The following ATP6V1A variants were observed in gnomAD, a reference collection of about 807,000 sequenced individuals.
The protein encoded by ATP6V1A is V-type proton ATPase catalytic subunit A.
A neutral mutation model predicts 70.1 loss-of-function variants in ATP6V1A; 18 were observed. The ratio of observed to expected loss-of-function variants is 0.26; its 90% CI spans 0.18 to 0.38. The LOEUF (loss-of-function observed/expected upper bound fraction) is 0.38, where lower values mean the gene tolerates loss of function less well. ATP6V1A is among the 10% of genes least tolerant of loss of function. The pLI, the probability that ATP6V1A is intolerant of heterozygous loss-of-function variation, is 1.00. For missense variants in ATP6V1A, 424 were observed against 772.4 expected (o/e 0.55, Z 5.35); for synonymous variants, 232 against 253.8 (o/e 0.91, Z 0.82).
intron 1 of ATP6V1A, among the ~76,000 whole-genome samples, chr3:113,762,450 C>G (rs1050715861): frequency 4.6e-5 from 7 of 152,094 alleles, no homozygotes; most frequent in African/African-American, 1.7e-4. Flanking sequence ...TACCTGTAAT[C>G]CCAGCTACTC....
intron 6 of ATP6V1A, 75 bp from the exon 7 acceptor site, chr3:113,788,638 C>A: frequency 6.9e-7 from 1 of 1,455,222 alleles, no homozygotes; most frequent in Non-Finnish European, 9.3e-7. Context: ...CGTGAGCCAC[C>A]GCGCCCGGCC....
chr3:113,796,115 G>C (rs1709151100), intron 11 of ATP6V1A, among the ~76,000 whole-genome samples, 176 bp downstream of exon 11: 1 of 152,056 alleles, frequency 6.6e-6, no homozygotes, highest in Non-Finnish European at 1.5e-5. Flanking sequence ...AATACTGTCT[G>C]TTTTTTTCTT....
At chr3:113,752,786 C>A (rs1259738551) in intron 1 of ATP6V1A, among the ~76,000 whole-genome samples, 1 of 152,080 alleles carries the variant, frequency 6.6e-6, no homozygotes, top group East Asian at 1.9e-4. Context: ...TTAACTGATA[C>A]AACTTGCTCA....
At chr3:113,747,227 C>T (rs915014158) in intron 1 of ATP6V1A, 114 bp downstream of exon 1, 5 of 152,278 alleles carry the variant, frequency 3.3e-5, no homozygotes, top group Admixed American at 6.5e-5. Flanking sequence ...GCTTCCTCCC[C>T]GCTGTCACCC....
intron 1 of ATP6V1A, among the ~76,000 whole-genome samples, chr3:113,765,535 G>T (rs964495782): frequency 6.6e-6 from 1 of 151,896 alleles, no homozygotes; most frequent in Non-Finnish European, 1.5e-5. Context: ...AATCCGGGAG[G>T]TGGAGGTTGC....
intron 8 of ATP6V1A, among the ~76,000 whole-genome samples, chr3:113,791,660 C>G (rs1395549633): frequency 6.6e-6 from 1 of 152,130 alleles, no homozygotes; most frequent in African/African-American, 2.4e-5. Flanking sequence ...TTTTACTCTT[C>G]TTGCCTGATA....
intron 12 of ATP6V1A, among the ~76,000 whole-genome samples, chr3:113,799,532 T>A (rs1709186539): frequency 6.6e-6 from 1 of 152,176 alleles, no homozygotes; most frequent in Non-Finnish European, 1.5e-5. Context: ...GCATGCCTAA[T>A]CTCATCACTG....
Position 113,809,098 on chromosome 3 carries a change from A to G in ATP6V1A, c.1762-237A>G, listed in dbSNP as rs1357709167. ...AACCTGTCTCTACTAAAAATATGAAAAAAAAAATTAGCTGGGCGTGATGGT... is the reference window on the plus strand; with the variant it reads ...AACCTGTCTCTACTAAAAATATGAAGAAAAAAATTAGCTGGGCGTGATGGT... On this transcript the variant is annotated intron_variant, in intron 14 of 14. Transcript: ENST00000273398. Among the ~76,000 whole-genome samples the G allele has an allele frequency of 4.6e-5, 7 of 151,434 alleles. 1 individual carries two copies. The highest frequency in any genetic ancestry group is 8.8e-5 in the Non-Finnish European group (6 of 67,828).
At chr3:113,782,855 CT>C (rs1311509989) in intron 3 of ATP6V1A, among the ~76,000 whole-genome samples, 1 of 151,920 alleles carries the variant, frequency 6.6e-6, no homozygotes, top group East Asian at 1.9e-4. Flanking sequence ...AACTCCTGAC[CT>C]CACGATCCAC....
At chr3:113,794,804 A>T in intron 8 of ATP6V1A, 68 bp from the exon 9 acceptor site, 1 of 1,522,280 alleles carries the variant, frequency 6.6e-7, no homozygotes. Flanking sequence ...GGTTTTCTTA[A>T]GGGTGGAAAA....
chr3:113,796,023 CGTT>C (rs1216310068), intron 11 of ATP6V1A, 84 bp downstream of exon 11: 9 of 1,189,616 alleles, frequency 7.6e-6, no homozygotes, highest in South Asian at 4.3e-5. Flanking sequence ...CTAATGTAAT[CGTT>C]GTGAAGTATT....
intron 12 of ATP6V1A, among the ~76,000 whole-genome samples, chr3:113,799,056 A>C (rs1348334537): frequency 6.6e-6 from 1 of 152,196 alleles, no homozygotes; most frequent in Non-Finnish European, 1.5e-5. Context: ...TTATAGAATA[A>C]AAATATTCTC....
intron 12 of ATP6V1A, chr3:113,802,884 C>A: frequency 6.6e-6 from 1 of 152,620 alleles, no homozygotes; most frequent in Middle Eastern, 3.4e-3. Flanking sequence ...GCTGGTCTCT[C>A]ACTCCTGAGC....
chr3:113,797,023 C>T (rs1709159264), intron 11 of ATP6V1A, among the ~76,000 whole-genome samples: 1 of 152,182 alleles, frequency 6.6e-6, no homozygotes, highest in South Asian at 2.1e-4. Context: ...GCAACCTCCA[C>T]CTCCCGGGTT....
chr3:113,782,963 T>C (rs964430358), intron 3 of ATP6V1A, among the ~76,000 whole-genome samples: 21 of 152,142 alleles, frequency 1.4e-4, no homozygotes, highest in African/African-American at 3.6e-4. Context: ...TAAATAGATA[T>C]GTGATAAATA....
intron 1 of ATP6V1A, among the ~76,000 whole-genome samples, chr3:113,768,608 T>G (rs936485840): frequency 8.0e-5 from 12 of 149,594 alleles, no homozygotes; most frequent in Admixed American, 3.3e-4. Flanking sequence ...TTTTTTTTTT[T>G]TTTTTGAGAT....
chr3:113,754,881 G>A (rs920666881), intron 1 of ATP6V1A, among the ~76,000 whole-genome samples: 5 of 152,154 alleles, frequency 3.3e-5, no homozygotes, highest in Admixed American at 1.3e-4. Context: ...AAGTATCTCC[G>A]TAGAATACAT....
Position 113,782,784 on chromosome 3 carries a change from G to A in ATP6V1A, c.212-1440G>A, listed in dbSNP as rs542579696. Among the ~76,000 whole-genome samples the A allele has an allele frequency of 3.9e-4, 59 of 151,356 alleles. 1 individual carries two copies. The highest frequency in any genetic ancestry group is 3.3e-3 in the Admixed American group (50 of 15,162). ...ATTACAGGCACGTGCCAGCATGCCC[G>A]GCTAATTTTTTGTATTTTTAGTAGA... On this transcript the variant is annotated intron_variant, in intron 3 of 14. Transcript: ENST00000273398.
At chr3:113,785,764 G>A (rs1334627102) in intron 5 of ATP6V1A, among the ~76,000 whole-genome samples, 1 of 150,776 alleles carries the variant, frequency 6.6e-6, no homozygotes, top group Non-Finnish European at 1.5e-5. Flanking sequence ...TGCCTCCTGG[G>A]TTCAAGCGAT....
Sources: gnomAD v4.1 joint callset for allele counts (sites outside exome capture counted in the v4.1 genomes callset) on GRCh38, gnomAD v4.1.1 for gene constraint, MANE v1.5 for transcripts, NCBI Gene and HGNC (gene_info 2026-07-23, HGNC 2026-07-21) for gene names.